CLEC19A: variants seen among roughly 807,000 people sequenced by gnomAD.
CLEC19A encodes C-type lectin domain containing 19A.
CLEC19A carries 21 observed loss-of-function variants against 26.1 expected under a neutral mutation model. The ratio of observed to expected loss-of-function variants is 0.80; its 90% CI spans 0.57 to 1.16. The LOEUF is 1.16. Among genes scored for constraint, CLEC19A ranks in the 50% most tolerant of loss-of-function variants. CLEC19A has a pLI of 0.00. For synonymous variants in CLEC19A, 89 were observed against 88.6 expected (o/e 1.00, Z -0.03); for missense variants, 224 against 227.6 (o/e 0.98, Z 0.10).
At chr16:19,300,558 A>AG (rs1245193741) in intron 2 of CLEC19A, among the ~76,000 whole-genome samples, 2 of 152,062 alleles carry the variant, frequency 1.3e-5, no homozygotes, top group Non-Finnish European at 2.9e-5. Flanking sequence ...AAAAAAAAAA[A>AG]AAAAATAGAG....
chr16:19,293,427 C>T (rs1205123634), intron 1 of CLEC19A, among the ~76,000 whole-genome samples: 1 of 151,824 alleles, frequency 6.6e-6, no homozygotes, highest in Non-Finnish European at 1.5e-5. Flanking sequence ...GGAACTCTCT[C>T]CACACACTAT....
intron 1 of CLEC19A, among the ~76,000 whole-genome samples, chr16:19,294,227 C>G (rs1043769449): frequency 2.6e-5 from 4 of 152,018 alleles, no homozygotes; most frequent in Non-Finnish European, 5.9e-5. Flanking sequence ...TTTGAGACTA[C>G]AAGCTCTTCC....
At position 19,295,109 on chromosome 16, in the gene CLEC19A, C is replaced by T. The variant is rs528160523; in HGVS notation, c.89-3564C>T. Among the ~76,000 whole-genome samples, 12 of 152,148 alleles carry T rather than the reference C, an allele frequency of 7.9e-5. No individual in the cohort carries two copies. The South Asian group carries it at 1.2e-3, about 16-fold the overall frequency. On this transcript the variant is annotated intron_variant, in intron 1 of 4. Transcript: ENST00000636231. The stretch of plus-strand genomic sequence containing the variant: ...TCCAATGTCTCCTGGCAAGGGGCGG[C>T]GATAAAATTCCCCCTCACTGCTTGA...
At chr16:19,294,246 C>T (rs1897654855) in intron 1 of CLEC19A, among the ~76,000 whole-genome samples, 1 of 152,160 alleles carries the variant, frequency 6.6e-6, no homozygotes, top group East Asian at 1.9e-4. Flanking sequence ...CCCACTACCG[C>T]CGTGCAGAAA....
At chr16:19,288,101 G>C (rs1056774091) in intron 1 of CLEC19A, among the ~76,000 whole-genome samples, 1 of 152,150 alleles carries the variant, frequency 6.6e-6, no homozygotes, top group African/African-American at 2.4e-5. Flanking sequence ...CCATATTAAG[G>C]CTATGGAAAC....
chr16:19,295,428 C>T (rs1157879392), intron 1 of CLEC19A, among the ~76,000 whole-genome samples: 1 of 152,086 alleles, frequency 6.6e-6, no homozygotes, highest in Non-Finnish European at 1.5e-5. Flanking sequence ...GTCTTGAACT[C>T]CTGGACTCAA....
At chr16:19,306,509 AC>A (rs1897958846) in intron 3 of CLEC19A, among the ~76,000 whole-genome samples, 1 of 151,910 alleles carries the variant, frequency 6.6e-6, no homozygotes, top group Non-Finnish European at 1.5e-5. Flanking sequence ...TTTTAAAAAC[AC>A]TAAAATGTCC....
At chr16:19,301,645 C>T (rs1897822441) in intron 2 of CLEC19A, among the ~76,000 whole-genome samples, 2 of 151,604 alleles carry the variant, frequency 1.3e-5, no homozygotes, top group South Asian at 4.2e-4. Context: ...CTCACTGCAA[C>T]CTCCGCCTCC....
rs1275769747 is a variant in CLEC19A at position 19,310,807 on chromosome 16, A to G, written c.*1724A>G. The stretch of plus-strand genomic sequence containing the variant: ...GAGGGGGAATAGAAAGTGAGTGCTA[A>G]TAGGTATGGGATTACTTTGTGAGGT... On this transcript the variant is annotated 3_prime_UTR_variant, in exon 5 of 5. Coordinates refer to ENST00000636231, the MANE Select transcript of CLEC19A (RefSeq NM_001256720.2). The G allele has an allele frequency of 6.6e-6, 1 of 152,234 alleles. No homozygotes were observed. The highest frequency in any genetic ancestry group is 1.5e-5 in the Non-Finnish European group (1 of 68,066). The allele number at this position is 152,234 out of a possible 1,614,324, so 9.4% of individuals were successfully genotyped here.
Position 19,309,052 on chromosome 16 carries a change from T to C in CLEC19A, c.530T>C (p.Val177Ala). ...ACCTGCAGCCGGAAGTTCCCCTTTG[T>C]CTGCAAAATCCCATCTCTGACCATT... ...DNTCSRKFPFVCKIPSLTIH is the reference protein window; with the variant it reads ...DNTCSRKFPFACKIPSLTIH Residue 177 changes from valine to alanine, a missense_variant, in exon 5 of 5, where the codon GTC becomes GCC. Coordinates refer to ENST00000636231, the MANE Select transcript of CLEC19A (RefSeq NM_001256720.2). 1 of 1,548,356 alleles carries C rather than the reference T, an allele frequency of 6.5e-7. No homozygotes were observed.
Position 19,304,137 on chromosome 16 carries a change from C to G in CLEC19A, c.330C>G (p.Gly110=). 3.9e-6 allele frequency: 6 copies of G among 1,550,596 alleles called. No individual in the cohort carries two copies. The highest frequency in any genetic ancestry group is 5.2e-6 in the Non-Finnish European group (6 of 1,146,962). The change falls in exon 3 of 5, where the codon GGC becomes GGG. Residue 110 remains glycine, a synonymous_variant. Coordinates refer to ENST00000636231, the MANE Select transcript of CLEC19A (RefSeq NM_001256720.2). ...VPGIPADVWT[G]LHDHRQEGQF... ...GCATCCCAGCTGACGTCTGGACAGG[C>G]CTTCATGATCACAGACAGGTGAGAA...
rs779542375 is a variant in CLEC19A, at chr16:19,298,853, C to T, written c.254+15C>T. On this transcript the variant is annotated intron_variant, in intron 2 of 4. Transcript: ENST00000636231. ...TCCATCCACAGGTAAGTGGGATCCC[C>T]AGTGCCCCATAGTTCAACTAAGCAC... 1 of 1,547,456 alleles carries T rather than the reference C, an allele frequency of 6.5e-7. No homozygotes were observed. Among genetic ancestry groups the T allele is most frequent in the South Asian group, 1.2e-5 (1 of 83,726 alleles).
intron 2 of CLEC19A, among the ~76,000 whole-genome samples, chr16:19,302,737 C>T (rs1897862740): frequency 6.6e-6 from 1 of 152,164 alleles, no homozygotes; most frequent in South Asian, 2.1e-4. Flanking sequence ...ATTCTTCTAA[C>T]CTCTACAAAC....
At position 19,309,251 on chromosome 16, in the gene CLEC19A, T is replaced by C; in HGVS notation, c.*168T>C. 1.9e-6 allele frequency: 1 copy of C among 523,012 alleles called. No individual in the cohort carries two copies. The highest frequency in any genetic ancestry group is 3.4e-5 in the East Asian group (1 of 29,328). The allele number at this position is 523,012 out of a possible 1,614,324, so 32.4% of individuals were successfully genotyped here. ...TATACAGGGTGGTCACTTGGCCAAG[T>C]GTCAGGAAAGCCAGCTCAAATTGGC... On this transcript the variant is annotated 3_prime_UTR_variant, in exon 5 of 5. Transcript: ENST00000636231.
intron 1 of CLEC19A, 47 bp from the exon 2 acceptor site, chr16:19,298,626 T>C (rs1897753844): frequency 1.3e-6 from 2 of 1,533,622 alleles, no homozygotes; most frequent in African/African-American, 2.8e-5. Context: ...GGAAACAATG[T>C]CAGCACTGCC....
intron 1 of CLEC19A, among the ~76,000 whole-genome samples, chr16:19,287,676 T>C (rs1897501980): frequency 6.6e-6 from 1 of 151,996 alleles, no homozygotes; most frequent in Admixed American, 6.6e-5. Context: ...TAACTAGGGG[T>C]ATTTTCTGTC....
chr16:19,297,683 G>A (rs769900628), intron 1 of CLEC19A, among the ~76,000 whole-genome samples: 14 of 152,100 alleles, frequency 9.2e-5, no homozygotes, highest in Non-Finnish European at 1.5e-4. Context: ...ATAATGACAT[G>A]GGGGAAATGC....
At chr16:19,299,699 A>T (rs1409094474) in intron 2 of CLEC19A, among the ~76,000 whole-genome samples, 1 of 152,002 alleles carries the variant, frequency 6.6e-6, no homozygotes, top group Non-Finnish European at 1.5e-5. Flanking sequence ...TGACCCCCTA[A>T]TTACACTCAT....
rs1273544958 is a variant in CLEC19A, at chr16:19,309,720, G to A, written c.*637G>A. ...AGCTCACTGCAGCCTCAACCTCCTG[G>A]GCTCAGGTGATCCTTCCACCTCCAG... On this transcript the variant is annotated 3_prime_UTR_variant, in exon 5 of 5. Transcript: ENST00000636231. 1 of 152,096 alleles carries A rather than the reference G, an allele frequency of 6.6e-6. No individual in the cohort carries two copies. The highest frequency in any genetic ancestry group is 1.5e-5 in the Non-Finnish European group (1 of 68,108). The allele number at this position is 152,096 out of a possible 1,614,324, so 9.4% of individuals were successfully genotyped here. A position where few individuals can be genotyped will look rare whatever the true frequency, so the allele number is the denominator to read the frequency against.
Sources: gnomAD v4.1 joint callset for allele counts (sites outside exome capture counted in the v4.1 genomes callset) on GRCh38, gnomAD v4.1.1 for gene constraint, MANE v1.5 for transcripts, NCBI Gene and HGNC (gene_info 2026-07-23, HGNC 2026-07-21) for gene names.